The following ADAMTS6 variants were observed in gnomAD, a reference collection of about 807,000 sequenced individuals.
The protein encoded by ADAMTS6 is ADAM metallopeptidase with thrombospondin type 1 motif 6, also known as A disintegrin and metalloproteinase with thrombospondin motifs 6.
Under a neutral mutation model 144.3 loss-of-function variants are expected in ADAMTS6, and 23 were observed. The ratio of observed to expected loss-of-function variants is 0.16; its 90% CI spans 0.11 to 0.23. The LOEUF is 0.23. ADAMTS6 is among the 10% of genes least tolerant of loss of function. ADAMTS6 has a pLI of 1.00. For synonymous variants in ADAMTS6, 444 were observed against 457.5 expected (o/e 0.97, Z 0.38); for missense variants, 999 against 1,379.6 (o/e 0.72, Z 4.37).
At chr5:65,216,782 TACACACACACAC>T (rs10584577) in intron 18 of ADAMTS6, among the ~76,000 whole-genome samples, 2 of 148,524 alleles carry the variant, frequency 1.3e-5, no homozygotes, top group African/African-American at 5.0e-5. Context: ...TTACAAGAAA[TACACACACACAC>T]ACACACACAC....
intron 15 of ADAMTS6, among the ~76,000 whole-genome samples, chr5:65,232,422 GA>G (rs1758321277): frequency 6.6e-6 from 1 of 151,848 alleles, no homozygotes; most frequent in Non-Finnish European, 1.5e-5. Flanking sequence ...AAATTGAGTT[GA>G]TTTTTTTTAA....
intron 9 of ADAMTS6, among the ~76,000 whole-genome samples, chr5:65,323,061 C>A (rs992873886): frequency 1.3e-5 from 2 of 152,182 alleles, no homozygotes; most frequent in Admixed American, 6.5e-5. Flanking sequence ...CAAAACTGGA[C>A]AAAGGCATTA....
intron 7 of ADAMTS6, among the ~76,000 whole-genome samples, chr5:65,414,248 G>A (rs573680458): frequency 6.6e-6 from 1 of 151,764 alleles, no homozygotes; most frequent in African/African-American, 2.4e-5. Context: ...AAACACTCAG[G>A]CTTTTAAAAT....
intron 7 of ADAMTS6, among the ~76,000 whole-genome samples, chr5:65,424,988 T>TTTTG (rs1344915274): frequency 2.0e-5 from 3 of 151,954 alleles, no homozygotes; most frequent in African/African-American, 4.8e-5. Context: ...TACACAGATT[T>TTTTG]TTTGTTTGTT....
intron 7 of ADAMTS6, 85 bp from the exon 8 acceptor site, chr5:65,334,170 T>C (rs1747077901): frequency 7.2e-7 from 1 of 1,390,106 alleles, no homozygotes; most frequent in Non-Finnish European, 9.7e-7. Flanking sequence ...TCTCCTGAAG[T>C]TGTCAGACCA....
In ADAMTS6 at chr5:65,215,392, T is replaced by C. The variant is rs146495868; in HGVS notation, c.2368A>G (p.Lys790Glu). Residue 790 changes from lysine to glutamate, a missense_variant, in exon 19 of 25, where the codon AAG (lysine) becomes GAG (glutamate). Physicochemically the swap from Lys to Glu is moderately conservative, Grantham distance 56. Coordinates refer to ENST00000381055, the MANE Select transcript of ADAMTS6 (RefSeq NM_197941.4). ...GATTCTGGTTCATCAGTTGGTCTCT[T>C]GTAATGAAAAGCTGTCCCAGCAACA... is the stretch of plus-strand genomic sequence containing the variant. The part of the protein sequence containing the change: ...FDVAGTAFHY[K>E]RPTDEPESLE... The C allele has an allele frequency of 1.2e-4, 192 of 1,614,104 alleles. 1 individual carries two copies. The African/African-American group carries it at 2.4e-3, about 20-fold the overall frequency.
chr5:65,329,779 G>A (rs1746537590), intron 8 of ADAMTS6, among the ~76,000 whole-genome samples: 1 of 152,040 alleles, frequency 6.6e-6, no homozygotes, highest in Admixed American at 6.6e-5. Context: ...CCAGAAGAGG[G>A]AATTCAAGAA....
intron 24 of ADAMTS6, among the ~76,000 whole-genome samples, chr5:65,156,754 G>A (rs1278750376): frequency 1.3e-5 from 2 of 152,230 alleles, no homozygotes; most frequent in African/African-American, 4.8e-5. Flanking sequence ...CTAAGCCAGT[G>A]GGTCAAGGAT....
At chr5:65,157,332 G>A (rs549993569) in intron 24 of ADAMTS6, among the ~76,000 whole-genome samples, 1 of 152,302 alleles carries the variant, frequency 6.6e-6, no homozygotes, top group African/African-American at 2.4e-5. Flanking sequence ...ATACTGAATA[G>A]AGGTTTATGA....
At position 65,291,439 on chromosome 5, in the gene ADAMTS6, G is replaced by T. The variant is rs1430163873; in HGVS notation, c.1402C>A (p.Pro468Thr). The part of the protein sequence containing the change: ...SGRGTCLDNE[P>T]PKRDFLYPAV... ...GGATAAAGAAAGTCACGCTTGGGAG[G>T]CTCATTATCAAGGCAAGTACCACGG... The change falls in exon 11 of 25, where the codon CCT (proline) becomes ACT (threonine). Residue 468 changes from proline to threonine, a missense_variant. Coordinates refer to ENST00000381055, the MANE Select transcript of ADAMTS6 (RefSeq NM_197941.4). The T allele has an allele frequency of 1.2e-6, 2 of 1,613,658 alleles. No homozygotes were observed. Among genetic ancestry groups the T allele is most frequent in the Non-Finnish European group, 1.7e-6 (2 of 1,179,830 alleles).
intron 9 of ADAMTS6, among the ~76,000 whole-genome samples, chr5:65,325,582 A>G (rs1726799660): frequency 6.7e-6 from 1 of 150,190 alleles, no homozygotes; most frequent in Non-Finnish European, 1.5e-5. Flanking sequence ...TACAGCCTTG[A>G]TCTTCTGGGC....
chr5:65,466,858 C>G (rs892465774), intron 3 of ADAMTS6, among the ~76,000 whole-genome samples: 17 of 152,024 alleles, frequency 1.1e-4, no homozygotes, highest in Non-Finnish European at 1.8e-4. Flanking sequence ...CTGGCTAACA[C>G]AGTGAAACCC....
At chr5:65,464,401 A>C (rs1759844507) in intron 3 of ADAMTS6, among the ~76,000 whole-genome samples, 1 of 152,268 alleles carries the variant, frequency 6.6e-6, no homozygotes, top group South Asian at 2.1e-4. Flanking sequence ...GTGATGAATA[A>C]AAATATTTTT....
At chr5:65,421,607 AC>A (rs1756046010) in intron 7 of ADAMTS6, among the ~76,000 whole-genome samples, 1 of 152,262 alleles carries the variant, frequency 6.6e-6, no homozygotes, top group Admixed American at 6.5e-5. Flanking sequence ...GACTACAGTA[AC>A]AAAAACAGCA....
rs1752095726 is a variant in ADAMTS6, at chr5:65,150,559, CTA to C, written c.*1275_*1276del. On this transcript the variant is annotated 3_prime_UTR_variant, in exon 25 of 25. Coordinates refer to ENST00000381055, the MANE Select transcript of ADAMTS6 (RefSeq NM_197941.4). The stretch of plus-strand genomic sequence containing the variant: ...AAATAAAAAATACTTGGTTGAGTGA[CTA>C]TTAAAATTATGCTTTATGATGTCTA... The C allele has an allele frequency of 6.6e-6, 1 of 152,592 alleles. No homozygotes were observed. The highest frequency in any genetic ancestry group is 2.4e-5 in the African/African-American group (1 of 41,436). 9.5% of individuals were successfully genotyped at this position (152,592 alleles called of 1,614,324 possible).
intron 20 of ADAMTS6, chr5:65,210,199 T>A: frequency 5.3e-6 from 1 of 189,784 alleles, no homozygotes; most frequent in South Asian, 1.0e-4. Flanking sequence ...ACGCCTGTAA[T>A]CCCAGCACTT....
intron 9 of ADAMTS6, among the ~76,000 whole-genome samples, chr5:65,325,536 A>ACGATC: frequency 6.6e-6 from 1 of 151,122 alleles, no homozygotes; most frequent in African/African-American, 2.4e-5. Flanking sequence ...GTCACCCAGA[A>ACGATC]TGGAGTGCGG....
At chr5:65,398,827 A>AGAAAGAAG (rs1753645631) in intron 7 of ADAMTS6, among the ~76,000 whole-genome samples, 1 of 149,404 alleles carries the variant, frequency 6.7e-6, no homozygotes, top group Non-Finnish European at 1.5e-5. Flanking sequence ...AAAGAAAGAA[A>AGAAAGAAG]GAAAGAAAGA....
At chr5:65,401,340 T>A (rs1753899282) in intron 7 of ADAMTS6, among the ~76,000 whole-genome samples, 1 of 151,746 alleles carries the variant, frequency 6.6e-6, no homozygotes, top group South Asian at 2.1e-4. Context: ...CCCAGATCAG[T>A]TAGGCTCTGA....
Sources: allele counts gnomAD v4.1 joint callset (sites outside exome capture counted in the v4.1 genomes callset), GRCh38; gene constraint gnomAD v4.1.1; transcripts MANE v1.5; gene names NCBI Gene and HGNC (gene_info 2026-07-23, HGNC 2026-07-21).